The following EXD2 variants were observed in gnomAD, a reference collection of about 807,000 sequenced individuals.
EXD2 encodes the protein exonuclease 3'-5' domain-containing protein 2.
Under a neutral mutation model 62.5 loss-of-function variants are expected in EXD2, and 40 were observed. The observed-to-expected ratio is 0.64, with a 90% CI of 0.50 to 0.83. EXD2 has a LOEUF of 0.83. EXD2 is among the 40% of genes least tolerant of loss of function. The probability of loss-of-function intolerance (pLI) is 0.00; values close to 1 mark genes in which losing one functional copy is unlikely to be tolerated. For synonymous variants in EXD2, 239 were observed against 291.9 expected, an observed-to-expected ratio of 0.82 and a Z score of 1.85; for missense variants, 671 against 761.8, an observed-to-expected ratio of 0.88 and a Z score of 1.40.
intron 1 of EXD2, among the ~76,000 whole-genome samples, chr14:69,202,201 G>T (rs1295162512): frequency 6.6e-6 from 1 of 151,942 alleles, no homozygotes; most frequent in Non-Finnish European, 1.5e-5. Context: ...GCAAAACCCC[G>T]TTTCTACCAA....
At chr14:69,201,521 C>T (rs1043950246) in intron 1 of EXD2, among the ~76,000 whole-genome samples, 3 of 151,968 alleles carry the variant, frequency 2.0e-5, no homozygotes, top group Non-Finnish European at 4.4e-5. Context: ...TTTCACCTAT[C>T]CTGTGGTGCT....
rs116931867 is a variant in EXD2 at position 69,235,142 on chromosome 14, C to T, written c.1049+111C>T. 4.9e-4 allele frequency: 469 copies of T among 950,558 alleles called. 5 individuals carry two copies. The East Asian group carries it at 0.012, about 25-fold the overall frequency. The allele number at this position is 950,558 out of a possible 1,614,324, so 58.9% of individuals were successfully genotyped here. A position where few individuals can be genotyped will look rare whatever the true frequency, so the allele number is the denominator to read the frequency against. ...GGCTTGTAGTAGGGGAGCAGCAGCTCTCCCGGGGTTAATCTTGCTTTTTCT... is the reference window on the plus strand; with the variant it reads ...GGCTTGTAGTAGGGGAGCAGCAGCTTTCCCGGGGTTAATCTTGCTTTTTCT... On this transcript the variant is annotated intron_variant, in intron 6 of 9. Coordinates refer to ENST00000685843, the MANE Select transcript of EXD2 (RefSeq NM_001193360.2).
At chr14:69,201,452 CTACTGGGAT>C (rs763458552) in intron 1 of EXD2, among the ~76,000 whole-genome samples, 2 of 151,900 alleles carry the variant, frequency 1.3e-5, no homozygotes, top group Non-Finnish European at 2.9e-5. Context: ...GCCTCCCAAA[CTACTGGGAT>C]TACAGGCATG....
At chr14:69,229,823 G>A (rs1438059607) in intron 4 of EXD2, among the ~76,000 whole-genome samples, 2 of 152,156 alleles carry the variant, frequency 1.3e-5, no homozygotes, top group Non-Finnish European at 2.9e-5. Context: ...GTCACTAAAA[G>A]TTTGGAGATT....
Position 69,194,178 on chromosome 14 carries a change from G to A in EXD2, c.-132+2587G>A, listed in dbSNP as rs1391656340. ...TTTTGAGTCAGAGTCTCGCTGTGTCGCCCAGGCTGGAGTGCAGTGGCGCGA... is the reference window on the plus strand; with the variant it reads ...TTTTGAGTCAGAGTCTCGCTGTGTCACCCAGGCTGGAGTGCAGTGGCGCGA... On this transcript the variant is annotated intron_variant, in intron 1 of 9. Coordinates refer to ENST00000685843, the MANE Select transcript of EXD2 (RefSeq NM_001193360.2). 2.1e-5 allele frequency among the ~76,000 whole-genome samples: 3 copies of A among 145,822 alleles called. 1 individual carries two copies. The highest frequency in any genetic ancestry group is 4.5e-5 in the Non-Finnish European group (3 of 66,950).
chr14:69,209,503 G>T lies in EXD2; in HGVS notation c.33G>T (p.Val11=). Residue 11 remains valine (V), a synonymous_variant, in exon 3 of 10, where the codon GTG becomes GTT. Transcript: ENST00000685843. ...GACAGAACTTAGTGGCTTTGACAGT[G>T]ACTACCCTTCTGGGTGTGGCTGTAG... MSRQNLVALT[V]TTLLGVAVGG... is the part of the protein sequence containing the mutation. 6.5e-7 allele frequency: 1 copy of T among 1,547,336 alleles called. No homozygotes were observed. Among genetic ancestry groups the T allele is most frequent in the South Asian group, 1.2e-5 (1 of 83,670 alleles).
At chr14:69,219,235 G>A (rs2043088343) in intron 3 of EXD2, among the ~76,000 whole-genome samples, 1 of 152,164 alleles carries the variant, frequency 6.6e-6, no homozygotes, top group Non-Finnish European at 1.5e-5. Context: ...TCCCTTGTAA[G>A]TTGGATTCCT....
At chr14:69,235,991 C>T in intron 6 of EXD2, 55 bp from the exon 7 acceptor site, 2 of 1,326,650 alleles carry the variant, frequency 1.5e-6, no homozygotes, top group Non-Finnish European at 2.2e-6. Flanking sequence ...AGGCAACAGA[C>T]ATTTTGACCC....
intron 9 of EXD2, chr14:69,239,326 A>G (rs2140053020): frequency 6.6e-6 from 1 of 152,332 alleles, no homozygotes; most frequent in East Asian, 1.9e-4. Flanking sequence ...CAGGAGTTGA[A>G]ATAAGGGAAC....
At chr14:69,215,700 CTA>C (rs745965932) in intron 3 of EXD2, among the ~76,000 whole-genome samples, 3 of 152,056 alleles carry the variant, frequency 2.0e-5, no homozygotes, top group Admixed American at 6.6e-5. Flanking sequence ...TAATAGTTCA[CTA>C]TTATTTTAAT....
At position 69,236,125 on chromosome 14, in the gene EXD2, C is replaced by G. The variant is rs1435860669; in HGVS notation, c.1129C>G (p.Gln377Glu). 1 of 1,613,974 alleles carries G rather than the reference C, an allele frequency of 6.2e-7. No homozygotes were observed. The highest frequency in any genetic ancestry group is 1.3e-5 in the African/African-American group (1 of 74,922). The change falls in exon 7 of 10, where the codon CAG becomes GAG. Residue 377 changes from glutamine to glutamate, a missense_variant. By Grantham distance (29) the Gln-to-Glu change is conservative. Transcript: ENST00000685843. ...CTGCACTTGTGATAGAAGAAAAGCT[C>G]AGTGGTACCTGGACAAAGGCATTGG... ...PLCTCDRRKAQWYLDKGIGEL... is the reference protein window; with the variant it reads ...PLCTCDRRKAEWYLDKGIGEL...
intron 4 of EXD2, 119 bp from the exon 5 acceptor site, chr14:69,230,353 G>C (rs77499793): frequency 8.7e-6 from 5 of 577,662 alleles, no homozygotes; most frequent in Non-Finnish European, 1.5e-5. Context: ...CATTTTCTTC[G>C]ATTTCTAGTG....
Position 69,235,002 on chromosome 14 carries a change from A to C in EXD2, c.1020A>C (p.Arg340Ser). The change falls in exon 6 of 10, where the codon AGA becomes AGC. Residue 340 changes from arginine (R) to serine (S), a missense_variant. Transcript: ENST00000685843. ...GGAGAGACCCCAGAAAACATAAAAG[A>C]AAGCCTCTGGGGGTGGGCTATTCTG... ...HQGRDPRKHK[R>S]KPLGVGYSAR... 1 of 1,605,090 alleles carries C rather than the reference A, an allele frequency of 6.2e-7. No homozygotes were observed. The highest frequency in any genetic ancestry group is 1.7e-5 in the Admixed American group (1 of 58,006).
intron 3 of EXD2, among the ~76,000 whole-genome samples, chr14:69,222,760 G>T (rs78890378): frequency 0.013 from 2,014 of 152,046 alleles, 42 homozygotes; most frequent in African/African-American, 0.047. Context: ...TACCTTTCAT[G>T]TTTTCTTTAA....
At chr14:69,236,667 T>C in intron 8 of EXD2, 125 bp downstream of exon 8, 2 of 1,264,756 alleles carry the variant, frequency 1.6e-6, no homozygotes, top group South Asian at 2.7e-5. Context: ...TTGTTCCTAG[T>C]ATCCAGCTTC....
At chr14:69,213,009 C>G (rs993790574) in intron 3 of EXD2, among the ~76,000 whole-genome samples, 1 of 151,698 alleles carries the variant, frequency 6.6e-6, no homozygotes, top group Non-Finnish European at 1.5e-5. Flanking sequence ...CCGTGCCTGG[C>G]CTATGTTGTT....
chr14:69,229,557 C>A (rs1432492507), intron 4 of EXD2, among the ~76,000 whole-genome samples: 12 of 152,170 alleles, frequency 7.9e-5, no homozygotes. Context: ...GAGTCCCCAC[C>A]ACTCCCATTG....
chr14:69,220,317 C>G (rs1351060089), intron 3 of EXD2, among the ~76,000 whole-genome samples: 1 of 116,252 alleles, frequency 8.6e-6, no homozygotes, highest in Non-Finnish European at 1.6e-5. Flanking sequence ...GTCACCCAGG[C>G]TGGAGTACAG....
intron 1 of EXD2, among the ~76,000 whole-genome samples, chr14:69,193,251 G>T (rs374701842): frequency 6.6e-6 from 1 of 152,082 alleles, no homozygotes; most frequent in Non-Finnish European, 1.5e-5. Context: ...TAGAGACGGG[G>T]TTTCACCGTA....
Sources: allele counts gnomAD v4.1 joint callset (sites outside exome capture counted in the v4.1 genomes callset), GRCh38; gene constraint gnomAD v4.1.1; transcripts MANE v1.5; gene names NCBI Gene and HGNC (gene_info 2026-07-23, HGNC 2026-07-21).